RPS16: variants seen among roughly 807,000 people sequenced by gnomAD.
RPS16 encodes ribosomal protein S16, also known as small ribosomal subunit protein uS9.
RPS16 carries 2 observed loss-of-function variants against 20.1 expected under a neutral mutation model. The observed-to-expected ratio is 0.10, with a 90% CI of 0.04 to 0.31. The LOEUF is 0.31. Ranked by LOEUF, RPS16 falls within the 10% of genes least tolerant of loss-of-function variation. The pLI is 1.00. For synonymous variants in RPS16, 95 were observed against 76.1 expected (o/e 1.25, Z -1.29); for missense variants, 129 against 198.6 (o/e 0.65, Z 2.11).
rs756494323 is a variant in RPS16, at chr19:39,433,510, A to G, written c.295+12T>C. ...CCCATCTACCTCATGGGAAGGACCC[A>G]TGCTCACTCACATTTCTGGTAATAG... On this transcript the variant is annotated intron_variant, in intron 4 of 4. Transcript: ENST00000251453. The G allele has an allele frequency of 1.2e-6, 2 of 1,614,092 alleles. No homozygotes were observed. Among genetic ancestry groups the G allele is most frequent in the Non-Finnish European group, 1.7e-6 (2 of 1,179,914 alleles).
intron 2 of RPS16, chr19:39,433,998 T>G (rs1245531567): frequency 2.0e-6 from 1 of 505,164 alleles, no homozygotes; most frequent in Non-Finnish European, 3.6e-6. Context: ...GGGAACAAGA[T>G]CTGGGCTCCC....
intron 2 of RPS16, 22 bp from the exon 3 acceptor site, chr19:39,433,783 A>G (rs2078844305): frequency 1.2e-6 from 2 of 1,611,540 alleles, no homozygotes; most frequent in East Asian, 2.2e-5. Flanking sequence ...GGGAATGAAC[A>G]GGGATTTAAG....
intron 4 of RPS16, 31 bp downstream of exon 4, chr19:39,433,491 T>C (rs757780162): frequency 6.2e-7 from 1 of 1,613,248 alleles, no homozygotes; most frequent in South Asian, 1.1e-5. Flanking sequence ...CACACCCATC[T>C]ACCTCATGGG....
chr19:39,433,732 C>T lies in RPS16; in HGVS notation c.180G>A (p.Lys60=), dbSNP rs2078843824. Residue 60 remains lysine, a synonymous_variant, in exon 3 of 5, where the codon AAG becomes AAA. Transcript: ENST00000251453. ...KLLEPVLLLG[K]ERFAGVDIRV... ...GGATGTCTACACCAGCAAATCGCTCCTTGCCGAGAAGCAGAACTGGCTCCA... is the reference window on the plus strand; with the variant it reads ...GGATGTCTACACCAGCAAATCGCTCTTTGCCGAGAAGCAGAACTGGCTCCA... 7 of 1,614,178 alleles carry T rather than the reference C, an allele frequency of 4.3e-6. No individual in the cohort carries two copies. The highest frequency in any genetic ancestry group is 2.2e-5 in the East Asian group (1 of 44,894).
intron 2 of RPS16, 112 bp from the exon 3 acceptor site, chr19:39,433,873 T>G: frequency 1.0e-6 from 1 of 980,492 alleles, no homozygotes. Context: ...CAAGTACTAG[T>G]GGATGGGGGT....
chr19:39,433,824 GGGCTTCTTGTTTCTGT>G, intron 2 of RPS16, 63 bp from the exon 3 acceptor site: 2 of 1,515,694 alleles, frequency 1.3e-6, no homozygotes, highest in South Asian at 1.2e-5. Flanking sequence ...CCATCTCACT[GGGCTTCTTGTTTCTGT>G]GGCTTCTGCC....
intron 2 of RPS16, 86 bp downstream of exon 2, chr19:39,435,521 G>A: frequency 9.0e-7 from 1 of 1,115,392 alleles, no homozygotes; most frequent in Non-Finnish European, 1.3e-6. Flanking sequence ...CGTTGCTGAT[G>A]CCAGCCCCCC....
chr19:39,435,532 C>G (rs536363635), intron 2 of RPS16, 75 bp downstream of exon 2: 1 of 1,262,418 alleles, frequency 7.9e-7, no homozygotes, highest in East Asian at 2.4e-5. Flanking sequence ...CCAGCCCCCC[C>G]AGCTTTCAAG....
In RPS16 at chr19:39,433,553, G is replaced by A. The variant is rs774595756; in HGVS notation, c.264C>T (p.Ile88=). 1 of 1,614,230 alleles carries A rather than the reference G, an allele frequency of 6.2e-7. No homozygotes were observed. The highest frequency in any genetic ancestry group is 8.5e-7 in the Non-Finnish European group (1 of 1,180,050). ...GGTAATAGGCCACCAGGGCTTTGGAGATGGACTGACGGATAGCTGTGAGAA... is the reference window on the plus strand; with the variant it reads ...GGTAATAGGCCACCAGGGCTTTGGAAATGGACTGACGGATAGCTGTGAGAA... The part of the protein sequence containing the change: ...VAQIYAIRQS[I]SKALVAYYQK... The change falls in exon 4 of 5, where the codon ATC becomes ATT. Residue 88 remains isoleucine (I), a synonymous_variant. Coordinates refer to ENST00000251453, the MANE Select transcript of RPS16 (RefSeq NM_001020.6).
chr19:39,433,237 G>C lies in RPS16; in HGVS notation c.*36C>G. ...GAAACTTTAAAATCCCTCAAAAACTGTTTATTATACAAGTGAGTTTTGAGT... is the reference window on the plus strand; with the variant it reads ...GAAACTTTAAAATCCCTCAAAAACTCTTTATTATACAAGTGAGTTTTGAGT... On this transcript the variant is annotated 3_prime_UTR_variant, in exon 5 of 5. Transcript: ENST00000251453. The C allele has an allele frequency of 6.2e-7, 1 of 1,607,762 alleles. No individual in the cohort carries two copies. Among genetic ancestry groups the C allele is most frequent in the Non-Finnish European group, 8.5e-7 (1 of 1,176,902 alleles).
rs1265339347 is a variant in RPS16, at chr19:39,433,938, G to A, written c.151-177C>T. ...CCCAGAGAAGAGGAAAGTCAAAAAA[G>A]CCAGATATGAGACTGCTGAAGTGGT... On this transcript the variant is annotated intron_variant, in intron 2 of 4. Transcript: ENST00000251453. 3 of 608,220 alleles carry A rather than the reference G, an allele frequency of 4.9e-6. No individual in the cohort carries two copies. The East Asian group carries it at 8.4e-5, about 17-fold the overall frequency. 37.7% of individuals were successfully genotyped at this position (608,220 alleles called of 1,614,324 possible). A position where few individuals can be genotyped will look rare whatever the true frequency, so the allele number is the denominator to read the frequency against.
Position 39,435,898 on chromosome 19 carries a change from C to A in RPS16, c.-3G>T, listed in dbSNP as rs745337238. 1 of 1,605,044 alleles carries A rather than the reference C, an allele frequency of 6.2e-7. No individual in the cohort carries two copies. The highest frequency in any genetic ancestry group is 2.2e-5 in the East Asian group (1 of 44,892). On this transcript the variant is annotated 5_prime_UTR_variant, in exon 1 of 5. Coordinates refer to ENST00000251453, the MANE Select transcript of RPS16 (RefSeq NM_001020.6). ...TGCAGCGGGCCCTTGGACGGCATGG[C>A]TCCGAGCGTGGACTAGACAACCTCA...
intron 2 of RPS16, chr19:39,434,738 C>T (rs2078850118): frequency 6.6e-6 from 1 of 152,170 alleles, no homozygotes; most frequent in Non-Finnish European, 1.5e-5. Context: ...GGATCTCCAA[C>T]TCAGGAGTTT....
chr19:39,435,595 G>C lies in RPS16; in HGVS notation c.150+12C>G, dbSNP rs1330538163. Reference sequence around the variant, plus strand: ...CCTCCATCCACTCAACGCCGGTGCCGGATCCCAGCACCTTGTACTGTAGCG... The same window carrying C: ...CCTCCATCCACTCAACGCCGGTGCCCGATCCCAGCACCTTGTACTGTAGCG... On this transcript the variant is annotated intron_variant, in intron 2 of 4. Transcript: ENST00000251453. The C allele has an allele frequency of 3.1e-6, 5 of 1,608,650 alleles. No individual in the cohort carries two copies. Among genetic ancestry groups the C allele is most frequent in the Non-Finnish European group, 4.2e-6 (5 of 1,176,712 alleles).
chr19:39,433,360 G>A lies in RPS16; in HGVS notation c.354C>T (p.Thr118=), dbSNP rs778223521. The change falls in exon 5 of 5, where the codon ACC becomes ACT. Residue 118 remains threonine, a synonymous_variant. Transcript: ENST00000251453. ...IKDILIQYDR[T]LLVADPRRCE... ...AGCGACGAGGGTCAGCTACCAGCAG[G>A]GTCCGGTCATACTGGATGAGGATGT... The A allele has an allele frequency of 1.2e-6, 2 of 1,614,142 alleles. No individual in the cohort carries two copies. The highest frequency in any genetic ancestry group is 3.3e-5 in the Admixed American group (2 of 60,012).
chr19:39,434,788 G>A (rs1401270369), intron 2 of RPS16: 2 of 152,116 alleles, frequency 1.3e-5, no homozygotes, highest in East Asian at 1.9e-4. Context: ...TGCACTCCAG[G>A]GTAGGTGACA....
At chr19:39,434,647 C>G (rs544441358) in intron 2 of RPS16, 1 of 152,056 alleles carries the variant, frequency 6.6e-6, no homozygotes, top group East Asian at 1.9e-4. Context: ...TGAGACCCCA[C>G]GTCTACAGAA....
At chr19:39,433,856 T>A (rs1275611217) in intron 2 of RPS16, 95 bp from the exon 3 acceptor site, 7 of 1,205,904 alleles carry the variant, frequency 5.8e-6, no homozygotes, top group East Asian at 5.1e-5. Flanking sequence ...CTGCCACCAC[T>A]GGCCTTCAAG....
rs202106312 is a variant in RPS16, at chr19:39,435,922, C to T, written c.-27G>A. 738 of 1,602,748 alleles carry T rather than the reference C, an allele frequency of 4.6e-4. 4 individuals carry two copies. The African/African-American group carries it at 9.0e-3, about 20-fold the overall frequency. On this transcript the variant is annotated 5_prime_UTR_variant, in exon 1 of 5. Coordinates refer to ENST00000251453, the MANE Select transcript of RPS16 (RefSeq NM_001020.6). ...GCTCCGAGCGTGGACTAGACAACCTCACCGCGCGGCGCCGCAACCGGAAAA... is the reference window on the plus strand; with the variant it reads ...GCTCCGAGCGTGGACTAGACAACCTTACCGCGCGGCGCCGCAACCGGAAAA...
Sources: allele counts gnomAD v4.1 joint callset, GRCh38; gene constraint gnomAD v4.1.1; transcripts MANE v1.5; gene names NCBI Gene and HGNC (gene_info 2026-07-23, HGNC 2026-07-21).